The following ARMC2 variants were observed in gnomAD, a reference collection of about 807,000 sequenced individuals.
ARMC2 encodes the protein armadillo repeat containing 2, also known as armadillo repeat-containing protein 2.
ARMC2 carries 67 observed loss-of-function variants against 90.3 expected under a neutral mutation model. The observed-to-expected ratio is 0.74, with a 90% CI of 0.61 to 0.91. The LOEUF (loss-of-function observed/expected upper bound fraction) is 0.91. Among genes scored for constraint, ARMC2 ranks in the 40% least tolerant of loss-of-function variants. ARMC2 has a pLI of 0.00. For synonymous variants in ARMC2, 393 were observed against 393.0 expected (o/e 1.00, Z 0.00); for missense variants, 920 against 1,030.9 (o/e 0.89, Z 1.47).
chr6:109,020,123 A>G, the ARMC2 span, among the ~76,000 whole-genome samples: 1 of 152,210 alleles, frequency 6.6e-6, no homozygotes, highest in African/African-American at 2.4e-5. Flanking sequence ...GCCAATCACA[A>G]AGCAGACAAA....
the ARMC2 span, among the ~76,000 whole-genome samples, chr6:109,018,074 T>G: frequency 6.6e-6 from 1 of 152,214 alleles, no homozygotes; most frequent in East Asian, 1.9e-4. Context: ...GTTCTATGCT[T>G]TCAGCTAACT....
intron 3 of ARMC2, among the ~76,000 whole-genome samples, chr6:108,859,575 G>A (rs752717785): frequency 7.9e-5 from 12 of 152,060 alleles, no homozygotes; most frequent in African/African-American, 2.2e-4. Context: ...ATCATGCTGG[G>A]TACTTGAAGG....
At chr6:108,950,762 C>T (rs535500236) in intron 12 of ARMC2, among the ~76,000 whole-genome samples, 1 of 152,214 alleles carries the variant, frequency 6.6e-6, no homozygotes, top group East Asian at 1.9e-4. Flanking sequence ...GCTCATGTAC[C>T]CCTGAGCCTA....
intron 4 of ARMC2, 30 bp downstream of exon 4, chr6:108,869,025 G>A: frequency 6.4e-7 from 1 of 1,559,852 alleles, no homozygotes. Context: ...TGTAATCTCT[G>A]GGGACAGGCA....
At position 108,895,482 on chromosome 6, in the gene ARMC2, C is replaced by CAAAA. The variant is rs58785510; in HGVS notation, c.748+955_748+958dup. Among the ~76,000 whole-genome samples the CAAAA allele has an allele frequency of 8.0e-5, 8 of 100,214 alleles. 1 individual carries two copies. The highest frequency in any genetic ancestry group is 3.1e-4 in the African/African-American group (7 of 22,546). 65.7% of individuals were successfully genotyped at this position (100,214 alleles called of 152,430 possible). On this transcript the variant is annotated intron_variant, in intron 6 of 17. Coordinates refer to ENST00000392644, the MANE Select transcript of ARMC2 (RefSeq NM_032131.6). Reference sequence around the variant, plus strand: ...CTGGGCGACAGAGCGAGACTCATCTCAAAAAAAAAAAAAAAAAAAGATAAT... The same window carrying CAAAA: ...CTGGGCGACAGAGCGAGACTCATCTCAAAAAAAAAAAAAAAAAAAAAAAGATAAT...
chr6:108,856,928 T>C (rs1774686816), intron 2 of ARMC2, among the ~76,000 whole-genome samples: 1 of 152,248 alleles, frequency 6.6e-6, no homozygotes, highest in Non-Finnish European at 1.5e-5. Context: ...TTGATCTGTT[T>C]GTCTTTTCTT....
At position 108,956,876 on chromosome 6, in the gene ARMC2, T is replaced by C. The variant is rs192079162; in HGVS notation, c.1915+3525T>C. 5.9e-5 allele frequency among the ~76,000 whole-genome samples: 9 copies of C among 151,514 alleles called. No homozygotes were observed. In the East Asian group the frequency reaches 1.6e-3, roughly 26 times the overall value. On this transcript the variant is annotated intron_variant, in intron 13 of 17. Transcript: ENST00000392644. ...GCATGGTGGCACGTGCCTGTAGTCC[T>C]AGCTACTCAGGAGGCTGAGGCAGGA...
intron 11 of ARMC2, among the ~76,000 whole-genome samples, chr6:108,932,503 CTTTTCTCCATTGCTT>C (rs1775633985): frequency 9.0e-6 from 1 of 110,520 alleles, no homozygotes; most frequent in African/African-American, 3.6e-5. Context: ...AACAGTGAGT[CTTTTCTCCATTGCTT>C]TTTTTTTTTT....
chr6:108,980,464 G>A, the ARMC2 span, among the ~76,000 whole-genome samples: 1 of 151,070 alleles, frequency 6.6e-6, no homozygotes, highest in Non-Finnish European at 1.5e-5. Flanking sequence ...AGGATACGCG[G>A]GTGGCCAGGG....
At chr6:109,005,455 A>C in the ARMC2 span, among the ~76,000 whole-genome samples, 1 of 152,220 alleles carries the variant, frequency 6.6e-6, no homozygotes. Context: ...ATGTGGCCAG[A>C]TTGACAGCAC....
intron 10 of ARMC2, among the ~76,000 whole-genome samples, chr6:108,913,614 A>G (rs1336882430): frequency 6.6e-6 from 1 of 152,248 alleles, no homozygotes; most frequent in Non-Finnish European, 1.5e-5. Context: ...GAAAAGTATA[A>G]GGAAGAATAT....
chr6:109,042,530 C>CA, the ARMC2 span, among the ~76,000 whole-genome samples: 16,175 of 123,038 alleles, frequency 0.13, 966 homozygotes, highest in Middle Eastern at 0.24. Flanking sequence ...AGGATTATTG[C>CA]GAAAAAAAAA....
At chr6:109,047,377 C>T in the ARMC2 span, among the ~76,000 whole-genome samples, 1 of 136,064 alleles carries the variant, frequency 7.3e-6, no homozygotes, top group Non-Finnish European at 1.6e-5. Context: ...CCAGCCGCCC[C>T]GTCCGGGAGG....
the ARMC2 span, among the ~76,000 whole-genome samples, chr6:109,048,481 C>G: frequency 2.0e-5 from 3 of 152,182 alleles, no homozygotes; most frequent in Non-Finnish European, 2.9e-5. Context: ...GAAAAGGCAG[C>G]CACCTTCTCT....
intron 5 of ARMC2, among the ~76,000 whole-genome samples, chr6:108,884,559 A>C (rs1215966996): frequency 6.6e-6 from 1 of 152,156 alleles, no homozygotes; most frequent in Non-Finnish European, 1.5e-5. Flanking sequence ...TTCGTGAGGG[A>C]TGGAGCACTG....
At chr6:109,017,049 G>C in the ARMC2 span, among the ~76,000 whole-genome samples, 1 of 151,960 alleles carries the variant, frequency 6.6e-6, no homozygotes, top group African/African-American at 2.4e-5. Flanking sequence ...TATGCTTTCA[G>C]TTATAGACCA....
intron 10 of ARMC2, among the ~76,000 whole-genome samples, chr6:108,917,056 T>G (rs1207338679): frequency 6.6e-6 from 1 of 152,232 alleles, no homozygotes; most frequent in African/African-American, 2.4e-5. Context: ...CAGATTGACT[T>G]GAACTTGCAT....
chr6:108,859,501 C>T (rs1562322386), intron 3 of ARMC2, among the ~76,000 whole-genome samples: 1 of 152,038 alleles, frequency 6.6e-6, no homozygotes, highest in Non-Finnish European at 1.5e-5. Context: ...TAGGATGTTT[C>T]TCTTTGTTTC....
At chr6:109,039,367 C>T in the ARMC2 span, among the ~76,000 whole-genome samples, 251 of 152,288 alleles carry the variant, frequency 1.6e-3, 2 homozygotes, top group Non-Finnish European at 2.5e-3. Flanking sequence ...ACATGATTAA[C>T]TGAGAATTTT....
Sources: gnomAD v4.1 joint callset for allele counts (sites outside exome capture counted in the v4.1 genomes callset) on GRCh38, gnomAD v4.1.1 for gene constraint, MANE v1.5 for transcripts, NCBI Gene and HGNC (gene_info 2026-07-23, HGNC 2026-07-21) for gene names.